The following JAG2 variants were observed in gnomAD, a reference collection of about 807,000 sequenced individuals.
JAG2 encodes jagged canonical Notch ligand 2, also known as protein jagged-2.
Under a neutral mutation model 141.7 loss-of-function variants are expected in JAG2, and 46 were observed. The ratio of observed to expected loss-of-function variants is 0.32; its 90% confidence interval spans 0.26 to 0.42. The LOEUF (loss-of-function observed/expected upper bound fraction) is 0.42, where lower values mean the gene tolerates loss of function less well. Among genes scored for constraint, JAG2 ranks in the 10% least tolerant of loss-of-function variants. The probability of loss-of-function intolerance (pLI) is 1.00; values close to 1 mark genes in which losing one functional copy is unlikely to be tolerated. For synonymous variants in JAG2, 862 were observed against 763.5 expected (o/e 1.13, Z -2.13); for missense variants, 1,500 against 1,817.5 (o/e 0.83, Z 3.18).
intron 5 of JAG2, 37 bp downstream of exon 5, chr14:105,155,525 G>A (rs1181599421): frequency 6.2e-7 from 1 of 1,610,698 alleles, no homozygotes; most frequent in East Asian, 2.2e-5. Flanking sequence ...TGAGGGCAAA[G>A]GTTGGGAGGG....
intron 23 of JAG2, 59 bp downstream of exon 23, chr14:105,145,672 G>A: frequency 6.4e-7 from 1 of 1,550,766 alleles, no homozygotes; most frequent in Non-Finnish European, 8.7e-7. Flanking sequence ...CTTTCGCCAT[G>A]CCACGAGCAG....
intron 2 of JAG2, among the ~76,000 whole-genome samples, chr14:105,158,810 C>T (rs1324412780): frequency 2.0e-5 from 3 of 152,044 alleles, no homozygotes; most frequent in Non-Finnish European, 2.9e-5. Flanking sequence ...CTTCCCACCC[C>T]GGGGGGATGC....
intron 2 of JAG2, among the ~76,000 whole-genome samples, chr14:105,161,182 CTGAG>C (rs1888737586): frequency 8.6e-6 from 1 of 116,598 alleles, no homozygotes; most frequent in African/African-American, 3.5e-5. Context: ...TGTTGGGGGT[CTGAG>C]TGAGGTCTGT....
At chr14:105,160,470 C>T (rs1047583532) in intron 2 of JAG2, among the ~76,000 whole-genome samples, 2 of 151,456 alleles carry the variant, frequency 1.3e-5, no homozygotes, top group African/African-American at 2.4e-5. Context: ...CCTTCGTTCA[C>T]ATCAAGTGTA....
rs1340835981 is a variant in JAG2, at chr14:105,168,501, C to T, written c.-81G>A. 2 of 283,502 alleles carry T rather than the reference C, an allele frequency of 7.1e-6. No individual in the cohort carries two copies. Among genetic ancestry groups the T allele is most frequent in the East Asian group, 1.8e-4 (1 of 5,560 alleles). 17.6% of individuals were successfully genotyped at this position (283,502 alleles called of 1,614,324 possible). On this transcript the variant is annotated 5_prime_UTR_variant, in exon 1 of 26. Coordinates refer to ENST00000331782, the MANE Select transcript of JAG2 (RefSeq NM_002226.5). ...GCCGCCGCGCCGGCCTCCCAGCGCCCGCCCGCCCTCCGAGCGCCCGCAGAG... is the reference window on the plus strand; with the variant it reads ...GCCGCCGCGCCGGCCTCCCAGCGCCTGCCCGCCCTCCGAGCGCCCGCAGAG...
Position 105,150,895 on chromosome 14 carries a change from G to A in JAG2, c.1398C>T (p.Arg466=), listed in dbSNP as rs745702951. 51 of 1,591,714 alleles carry A rather than the reference G, an allele frequency of 3.2e-5. No homozygotes were observed. The East Asian group carries it at 5.5e-4, about 17-fold the overall frequency. The change falls in exon 11 of 26, where the codon CGC becomes CGT. Residue 466 remains arginine, a synonymous_variant. Coordinates refer to ENST00000331782, the MANE Select transcript of JAG2 (RefSeq NM_002226.5). ...AGGTGCCCCCATGCTGACACTGCCC[G>A]CGACAGTCGTTGACGTCTGGGGGCA... ...INCHINVNDC[R]GQCQHGGTCK...
At position 105,167,575 on chromosome 14, in the gene JAG2, G is replaced by A. The variant is rs903780041; in HGVS notation, c.417+182C>T. The stretch of plus-strand genomic sequence containing the variant: ...CCCGGTGGCCCCGGGGCCCCGGCGC[G>A]CCCACGTGGCCAGGCGCGGACCAAG... On this transcript the variant is annotated intron_variant, in intron 2 of 25. Transcript: ENST00000331782. This position sits in a 1 kb window ranked among gnomAD's most constrained non-coding sequence, Gnocchi z 4.8. Among the ~76,000 whole-genome samples, 65 of 147,456 alleles carry A rather than the reference G, an allele frequency of 4.4e-4. No homozygotes were observed. Among genetic ancestry groups the A allele is most frequent in the African/African-American group, 1.4e-3 (57 of 40,996 alleles).
In JAG2 at chr14:105,152,050, G is replaced by A. The variant is rs1888451481; in HGVS notation, c.927C>T (p.Asn309=). The part of the protein sequence containing the change: ...WGGLLCDKDL[N]YCGSHHPCTN... ...TGCAGGGGTGGTGGCTGCCACAGTAGTTCAGGTCTGGGGGCAGGGGTGGGA... is the reference window on the plus strand; with the variant it reads ...TGCAGGGGTGGTGGCTGCCACAGTAATTCAGGTCTGGGGGCAGGGGTGGGA... Residue 309 remains asparagine, a synonymous_variant, in exon 7 of 26, where the codon AAC becomes AAT. Coordinates refer to ENST00000331782, the MANE Select transcript of JAG2 (RefSeq NM_002226.5). The A allele has an allele frequency of 1.2e-6, 2 of 1,613,306 alleles. No homozygotes were observed. Among genetic ancestry groups the A allele is most frequent in the Non-Finnish European group, 8.5e-7 (1 of 1,179,944 alleles).
chr14:105,143,694 C>G (rs973157832), intron 24 of JAG2, 56 bp from the exon 25 acceptor site: 2 of 1,589,774 alleles, frequency 1.3e-6, no homozygotes, highest in African/African-American at 2.7e-5. Context: ...CTCCCAGCAG[C>G]CTGCCCCCAA....
intron 15 of JAG2, 63 bp downstream of exon 15, chr14:105,148,682 G>C: frequency 7.2e-7 from 1 of 1,384,204 alleles, no homozygotes; most frequent in Non-Finnish European, 1.0e-6. Flanking sequence ...GTCCATCTCA[G>C]GGTGATAAGG....
chr14:105,144,965 C>T lies in JAG2; in HGVS notation c.3049G>A (p.Ala1017Thr), dbSNP rs1193528075. ...DRLLVLLCDR[A>T]SSGASAVEVA... The stretch of plus-strand genomic sequence containing the variant: ...TCCACAGCACTGGCCCCCGAGGACG[C>T]CCGGTCGCAAAGCAACACCAGCAGG... The change falls in exon 24 of 26, where the codon GCG becomes ACG. Residue 1017 changes from alanine to threonine, a missense_variant. By Grantham distance (58) the Ala-to-Thr change is moderately conservative. This residue lies in a region of JAG2 where 425 missense variants were observed against 441.0 expected (regional missense o/e 0.96). Coordinates refer to ENST00000331782, the MANE Select transcript of JAG2 (RefSeq NM_002226.5). 1.9e-6 allele frequency: 3 copies of T among 1,605,104 alleles called. No homozygotes were observed. Among genetic ancestry groups the T allele is most frequent in the African/African-American group, 1.3e-5 (1 of 75,004 alleles).
In JAG2 at chr14:105,155,879, C is replaced by T. The variant is rs762674945; in HGVS notation, c.586G>A (p.Val196Met). ...CTGTAGTAGTTCTCGTCGCAGCGCA[C>T]GCGGATCTGCAGCTCCAGGTGCGCC... ...HVAHLELQIR[V>M]RCDENYYSAT... Residue 196 changes from valine (V) to methionine (M), a missense_variant, in exon 4 of 26, where the codon GTG becomes ATG. Physicochemically the swap from Val to Met is conservative, Grantham distance 21. Transcript: ENST00000331782. The T allele has an allele frequency of 8.1e-6, 13 of 1,612,160 alleles. No homozygotes were observed. The highest frequency in any genetic ancestry group is 1.1e-5 in the Non-Finnish European group (13 of 1,179,716).
chr14:105,145,276 C>T (rs910458248), intron 23 of JAG2, among the ~76,000 whole-genome samples: 2 of 152,182 alleles, frequency 1.3e-5, no homozygotes, highest in Admixed American at 6.5e-5. Context: ...ATCCTCAGGG[C>T]GGACCCAGCT....
At position 105,155,811 on chromosome 14, in the gene JAG2, G is replaced by A. The variant is rs754958173; in HGVS notation, c.654C>T (p.Phe218=). The stretch of plus-strand genomic sequence containing the variant: ...CGTACTGGTCGCAGGTGTAGTGGCC[G>A]AAAAAGTCGTTGCGGGGCCGGCAGA... ...NKFCRPRNDF[F]GHYTCDQYGN... is the part of the protein sequence containing the mutation. Residue 218 remains phenylalanine (F), a synonymous_variant, in exon 4 of 26, where the codon TTC becomes TTT. Coordinates refer to ENST00000331782, the MANE Select transcript of JAG2 (RefSeq NM_002226.5). 1.7e-5 allele frequency: 28 copies of A among 1,612,794 alleles called. No homozygotes were observed. Among genetic ancestry groups the A allele is most frequent in the South Asian group, 3.3e-5 (3 of 91,024 alleles).
At chr14:105,147,980 A>T in intron 17 of JAG2, 92 bp from the exon 18 acceptor site, 1 of 1,195,124 alleles carries the variant, frequency 8.4e-7, no homozygotes. Flanking sequence ...CAGGGCAGAC[A>T]GACCCGGGGG....
intron 25 of JAG2, 37 bp downstream of exon 25, chr14:105,143,445 C>T (rs1276362456): frequency 2.6e-6 from 4 of 1,538,740 alleles, no homozygotes; most frequent in Non-Finnish European, 8.7e-7. Context: ...GAGTTGCCTG[C>T]CTGGTGCCTT....
intron 13 of JAG2, 40 bp from the exon 14 acceptor site, chr14:105,149,129 G>GGGCCCCCC: frequency 6.4e-7 from 1 of 1,551,916 alleles, no homozygotes; most frequent in Non-Finnish European, 8.7e-7. Flanking sequence ...GCCCGCCCCT[G>GGGCCCCCC]CCCCACCACC....
At chr14:105,164,261 C>T (rs1326091868) in intron 2 of JAG2, among the ~76,000 whole-genome samples, 1 of 152,168 alleles carries the variant, frequency 6.6e-6, no homozygotes, top group Non-Finnish European at 1.5e-5. Flanking sequence ...CACTGAATGC[C>T]CCACCCTGCC....
chr14:105,151,765 A>T, intron 7 of JAG2, 26 bp from the exon 8 acceptor site: 1 of 1,601,644 alleles, frequency 6.2e-7, no homozygotes, highest in African/African-American at 1.3e-5. Flanking sequence ...GAGGGGGCAG[A>T]GCTGGCAGCC....
Sources: gnomAD v4.1 joint callset for allele counts (sites outside exome capture counted in the v4.1 genomes callset) on GRCh38, gnomAD v4.1.1 for gene constraint, gnomAD v4.1.1 regional missense constraint, Gnocchi (gnomAD v3.1) non-coding constraint, MANE v1.5 for transcripts, NCBI Gene and HGNC (gene_info 2026-07-23, HGNC 2026-07-21) for gene names.